Variants in ULK4 observed in about 807,000 individuals in gnomAD.
ULK4 encodes unc-51 like kinase 4.
A neutral mutation model predicts 160.6 loss-of-function variants in ULK4; 133 were observed. The observed-to-expected ratio is 0.83, with a 90% CI of 0.72 to 0.96. ULK4 has a LOEUF of 0.96. Among genes scored for constraint, ULK4 ranks in the 40% least tolerant of loss-of-function variants. The pLI is 0.00. For synonymous variants in ULK4, 534 were observed against 539.8 expected, an observed-to-expected ratio of 0.99 and a Z score of 0.15; for missense variants, 1,580 against 1,499.5, an observed-to-expected ratio of 1.05 and a Z score of -0.89.
chr3:41,476,326 C>G (rs1252999136), intron 32 of ULK4, among the ~76,000 whole-genome samples: 3 of 152,114 alleles, frequency 2.0e-5, no homozygotes, highest in African/African-American at 7.2e-5. Context: ...AAGGTAGAAA[C>G]TTTTGGTATG....
At chr3:41,634,884 T>A (rs1385094625) in intron 30 of ULK4, among the ~76,000 whole-genome samples, 2 of 152,114 alleles carry the variant, frequency 1.3e-5, no homozygotes, top group African/African-American at 2.4e-5. Context: ...AAAGGCATGG[T>A]TGGATGAGAA....
intron 22 of ULK4, among the ~76,000 whole-genome samples, chr3:41,733,138 A>C (rs1177138868): frequency 6.6e-6 from 1 of 152,104 alleles, no homozygotes; most frequent in Non-Finnish European, 1.5e-5. Flanking sequence ...AAAATAATAA[A>C]CGTTTGCAGT....
intron 32 of ULK4, among the ~76,000 whole-genome samples, chr3:41,555,757 T>C (rs1182415172): frequency 6.6e-6 from 1 of 152,164 alleles, no homozygotes; most frequent in Non-Finnish European, 1.5e-5. Flanking sequence ...AGCTAAGACA[T>C]GGAATCAATC....
chr3:41,730,857 G>A (rs190469230), intron 22 of ULK4, among the ~76,000 whole-genome samples: 1 of 152,228 alleles, frequency 6.6e-6, no homozygotes, highest in East Asian at 1.9e-4. Context: ...ATTCATCCCA[G>A]GGATGCAAGG....
intron 16 of ULK4, 112 bp downstream of exon 16, chr3:41,895,406 C>T: frequency 1.8e-6 from 1 of 544,090 alleles, no homozygotes; most frequent in Non-Finnish European, 3.0e-6. Flanking sequence ...GTCATCATTA[C>T]ATCAGAATAA....
chr3:41,454,752 G>C (rs1415619764), intron 34 of ULK4, among the ~76,000 whole-genome samples: 1 of 151,804 alleles, frequency 6.6e-6, no homozygotes, highest in Non-Finnish European at 1.5e-5. Context: ...GAGTGAAGTG[G>C]CACGATCTTG....
chr3:41,842,183 A>T (rs2041946851), intron 17 of ULK4, among the ~76,000 whole-genome samples: 1 of 141,114 alleles, frequency 7.1e-6, no homozygotes, highest in African/African-American at 3.0e-5. Flanking sequence ...ACATGTAAAA[A>T]AAAAAATAAA....
intron 31 of ULK4, among the ~76,000 whole-genome samples, chr3:41,612,548 C>T (rs1011146153): frequency 5.3e-5 from 8 of 152,184 alleles, no homozygotes; most frequent in Admixed American, 2.0e-4. Context: ...TAGGTAGTGA[C>T]AACTGGAGAT....
At chr3:41,823,938 A>C (rs941140435) in intron 18 of ULK4, among the ~76,000 whole-genome samples, 2 of 152,148 alleles carry the variant, frequency 1.3e-5, no homozygotes, top group Admixed American at 6.6e-5. Context: ...TGAGGCAGGC[A>C]GATCACTTGA....
chr3:41,746,769 C>G (rs1287589125), intron 22 of ULK4, among the ~76,000 whole-genome samples: 1 of 151,844 alleles, frequency 6.6e-6, no homozygotes, highest in African/African-American at 2.4e-5. Flanking sequence ...TTACAGTAAT[C>G]AAGACAATGT....
intron 35 of ULK4, among the ~76,000 whole-genome samples, chr3:41,381,563 G>T (rs1185742506): frequency 1.3e-5 from 2 of 152,106 alleles, no homozygotes; most frequent in Non-Finnish European, 2.9e-5. Context: ...AATCATCTTT[G>T]ACTATTTCTT....
At chr3:41,280,934 G>A (rs2079339587) in intron 35 of ULK4, among the ~76,000 whole-genome samples, 1 of 152,028 alleles carries the variant, frequency 6.6e-6, no homozygotes, top group Admixed American at 6.6e-5. Flanking sequence ...AGAAAAGAGT[G>A]AAGAATCAAA....
chr3:41,759,207 G>C (rs56324751), intron 21 of ULK4, among the ~76,000 whole-genome samples: 7,956 of 151,944 alleles, frequency 0.052, 688 homozygotes, highest in African/African-American at 0.18. Flanking sequence ...ATAAATAAAA[G>C]ACATTTAGAT....
chr3:41,253,807 G>A (rs1575356290), intron 35 of ULK4, among the ~76,000 whole-genome samples: 1 of 152,060 alleles, frequency 6.6e-6, no homozygotes, highest in Admixed American at 6.5e-5. Flanking sequence ...TAAAGTAAGA[G>A]GATGAAAAAA....
intron 35 of ULK4, among the ~76,000 whole-genome samples, chr3:41,328,184 A>G (rs1402868066): frequency 6.6e-6 from 1 of 152,182 alleles, no homozygotes; most frequent in African/African-American, 2.4e-5. Flanking sequence ...GTCGAACATT[A>G]TGGGGAGTTC....
chr3:41,746,469 T>A (rs562771233), intron 22 of ULK4, among the ~76,000 whole-genome samples: 1 of 150,524 alleles, frequency 6.6e-6, no homozygotes, highest in Admixed American at 6.6e-5. Context: ...GCTGAAATTA[T>A]AGAATGCTAA....
intron 35 of ULK4, among the ~76,000 whole-genome samples, chr3:41,347,040 C>T (rs1319796711): frequency 6.6e-6 from 1 of 151,404 alleles, no homozygotes; most frequent in African/African-American, 2.4e-5. Context: ...ACTGGAATCC[C>T]CCCTTTTTAG....
At chr3:41,488,435 C>G (rs2084624540) in intron 32 of ULK4, among the ~76,000 whole-genome samples, 1 of 152,214 alleles carries the variant, frequency 6.6e-6, no homozygotes, top group South Asian at 2.1e-4. Context: ...AAGCTCTACA[C>G]ACACACATAA....
intron 32 of ULK4, among the ~76,000 whole-genome samples, chr3:41,527,244 A>T (rs2086150170): frequency 6.6e-6 from 1 of 152,266 alleles, no homozygotes; most frequent in Non-Finnish European, 1.5e-5. Flanking sequence ...AGGGTTCAGC[A>T]GCTTGAGATT....
Sources: allele counts gnomAD v4.1 joint callset (sites outside exome capture counted in the v4.1 genomes callset), GRCh38; gene constraint gnomAD v4.1.1; transcripts MANE v1.5; gene names NCBI Gene and HGNC (gene_info 2026-07-23, HGNC 2026-07-21).